OSBPL10: variants seen among roughly 807,000 people sequenced by gnomAD.
OSBPL10 encodes oxysterol-binding protein-related protein 10.
In OSBPL10, 49 loss-of-function variants were observed where a neutral mutation model predicts 81.7. The ratio of observed to expected loss-of-function variants is 0.60; its 90% CI spans 0.48 to 0.76. The LOEUF (loss-of-function observed/expected upper bound fraction) is 0.76, where lower values mean the gene tolerates loss of function less well. OSBPL10 is among the 30% of genes least tolerant of loss of function. OSBPL10 has a pLI of 0.00. For synonymous variants in OSBPL10, 419 were observed against 383.6 expected (o/e 1.09, Z -1.08); for missense variants, 923 against 987.8 (o/e 0.93, Z 0.88).
chr3:31,959,158 G>A (rs550449949), intron 1 of OSBPL10, among the ~76,000 whole-genome samples: 8 of 152,242 alleles, frequency 5.3e-5, no homozygotes, highest in African/African-American at 1.9e-4. Context: ...AGAGTGCTCT[G>A]TCCTAAAGAA....
chr3:32,020,841 C>T (rs1035662355), intron 2 of OSBPL10, among the ~76,000 whole-genome samples: 3 of 152,256 alleles, frequency 2.0e-5, no homozygotes, highest in Admixed American at 6.5e-5. Context: ...TGTGTTAGTC[C>T]GCTAGGACTG....
chr3:32,036,474 G>A (rs553371863), intron 2 of OSBPL10, among the ~76,000 whole-genome samples: 1 of 152,218 alleles, frequency 6.6e-6, no homozygotes, highest in East Asian at 1.9e-4. Flanking sequence ...AAGCTCACAG[G>A]TTTTCCAATT....
At chr3:32,013,758 T>A (rs1343707742) in intron 2 of OSBPL10, among the ~76,000 whole-genome samples, 2 of 151,972 alleles carry the variant, frequency 1.3e-5, no homozygotes, top group Admixed American at 1.3e-4. Flanking sequence ...AATGATAAAG[T>A]GGATATCACC....
At chr3:31,997,709 G>A (rs1467468339) in intron 2 of OSBPL10, among the ~76,000 whole-genome samples, 1 of 152,070 alleles carries the variant, frequency 6.6e-6, no homozygotes, top group African/African-American at 2.4e-5. Flanking sequence ...GATGGGAGAT[G>A]GAACAGCTGT....
chr3:31,957,828 G>A (rs949970192), intron 1 of OSBPL10, among the ~76,000 whole-genome samples: 2 of 152,078 alleles, frequency 1.3e-5, no homozygotes, highest in South Asian at 2.1e-4. Flanking sequence ...TTTAGTAGAG[G>A]GGGGGTTTCA....
intron 4 of OSBPL10, among the ~76,000 whole-genome samples, chr3:31,761,829 A>AAAAAAAAAAAAAAAAAAAAAAAAAAC (rs1458696645): frequency 1.4e-5 from 2 of 146,738 alleles, no homozygotes; most frequent in Non-Finnish European, 2.9e-5. Flanking sequence ...AAAAAAAAAA[A>AAAAAAAAAAAAAAAAAAAAAAAAAAC]AACCCTAAAG....
chr3:31,712,420 A>G (rs1472612842), intron 6 of OSBPL10, among the ~76,000 whole-genome samples: 1 of 152,232 alleles, frequency 6.6e-6, no homozygotes, highest in Middle Eastern at 3.2e-3. Context: ...CCTTGAGATG[A>G]GGAGATTAAC....
At chr3:31,840,281 T>C (rs1700459668) in intron 3 of OSBPL10, among the ~76,000 whole-genome samples, 2 of 152,126 alleles carry the variant, frequency 1.3e-5, no homozygotes, top group Admixed American at 1.3e-4. Flanking sequence ...TCTGAGAACA[T>C]TTCAAGAAGC....
chr3:31,691,190 G>A (rs746286526), intron 7 of OSBPL10, among the ~76,000 whole-genome samples: 2 of 152,184 alleles, frequency 1.3e-5, no homozygotes, highest in Non-Finnish European at 2.9e-5. Context: ...GAAAAAAAGA[G>A]AGGATCTGCA....
At chr3:31,822,997 TGA>T (rs1700018650) in intron 4 of OSBPL10, among the ~76,000 whole-genome samples, 1 of 151,376 alleles carries the variant, frequency 6.6e-6, no homozygotes, top group African/African-American at 2.4e-5. Context: ...CTTAAATAAC[TGA>T]GAGGATCAAA....
intron 5 of OSBPL10, among the ~76,000 whole-genome samples, chr3:31,743,226 A>G (rs896130113): frequency 1.3e-5 from 2 of 151,770 alleles, no homozygotes; most frequent in Non-Finnish European, 2.9e-5. Context: ...TCTTTAGTAG[A>G]GATGTGATTT....
chr3:31,823,676 A>G (rs1381351915), intron 4 of OSBPL10, among the ~76,000 whole-genome samples: 1 of 152,188 alleles, frequency 6.6e-6, no homozygotes, highest in Admixed American at 6.5e-5. Flanking sequence ...AAATATTATG[A>G]TTTCCTTAGT....
chr3:31,835,735 T>C (rs971579479), intron 3 of OSBPL10, among the ~76,000 whole-genome samples: 4 of 152,204 alleles, frequency 2.6e-5, no homozygotes, highest in Non-Finnish European at 4.4e-5. Flanking sequence ...AATCATTTGA[T>C]TATATTTCTT....
At chr3:31,999,651 G>A (rs1186101443) in intron 2 of OSBPL10, among the ~76,000 whole-genome samples, 6 of 152,026 alleles carry the variant, frequency 3.9e-5, no homozygotes, top group African/African-American at 1.2e-4. Flanking sequence ...GTGAGCCACC[G>A]TGCCCGGCCT....
At chr3:31,905,618 G>A (rs1424214100) in intron 1 of OSBPL10, among the ~76,000 whole-genome samples, 2 of 151,962 alleles carry the variant, frequency 1.3e-5, no homozygotes, top group Non-Finnish European at 2.9e-5. Context: ...CCAAAGTGCT[G>A]GGATTACAGG....
At chr3:31,931,863 G>T (rs1697258115) in intron 1 of OSBPL10, among the ~76,000 whole-genome samples, 1 of 152,138 alleles carries the variant, frequency 6.6e-6, no homozygotes, top group African/African-American at 2.4e-5. Context: ...GATCTCTTGA[G>T]TCCCAGAGTT....
intron 2 of OSBPL10, among the ~76,000 whole-genome samples, chr3:32,023,495 T>C (rs1298302091): frequency 6.6e-6 from 1 of 152,188 alleles, no homozygotes; most frequent in Non-Finnish European, 1.5e-5. Flanking sequence ...GTGTGAAGAC[T>C]GACTAATACA....
upstream of OSBPL10, among the ~76,000 whole-genome samples, chr3:31,985,264 A>G (rs1575077985): frequency 1.3e-5 from 2 of 152,194 alleles, no homozygotes; most frequent in East Asian, 1.9e-4. Context: ...AATACAAAAT[A>G]TTGGCTAAAC....
intron 3 of OSBPL10, among the ~76,000 whole-genome samples, chr3:31,841,700 G>A (rs990053782): frequency 2.0e-5 from 3 of 152,158 alleles, no homozygotes; most frequent in African/African-American, 7.2e-5. Context: ...CTGACTCAAA[G>A]CCTTTCTCTA....
Sources: gnomAD v4.1 joint callset for allele counts (sites outside exome capture counted in the v4.1 genomes callset) on GRCh38, gnomAD v4.1.1 for gene constraint, MANE v1.5 for transcripts, NCBI Gene and HGNC (gene_info 2026-07-23, HGNC 2026-07-21) for gene names.